Variants in MAN2A1 observed in about 807,000 individuals in gnomAD.
MAN2A1 encodes the protein alpha-mannosidase 2.
Under a neutral mutation model 142.6 loss-of-function variants are expected in MAN2A1, and 76 were observed. That is an observed-to-expected ratio of 0.53 (90% CI 0.44 to 0.65). The LOEUF (loss-of-function observed/expected upper bound fraction) is 0.65. Ranked by LOEUF, MAN2A1 falls within the 30% of genes least tolerant of loss-of-function variation. MAN2A1 has a pLI of 0.00. For missense variants in MAN2A1, 1,311 were observed against 1,365.1 expected, an observed-to-expected ratio of 0.96 and a Z score of 0.62; for synonymous variants, 559 against 473.2, an observed-to-expected ratio of 1.18 and a Z score of -2.35.
At chr5:109,710,411 A>T (rs1751265564) in intron 1 of MAN2A1, among the ~76,000 whole-genome samples, 1 of 152,190 alleles carries the variant, frequency 6.6e-6, no homozygotes, top group South Asian at 2.1e-4. Context: ...CTCTAAAATG[A>T]TCTTTTCCTC....
intron 17 of MAN2A1, among the ~76,000 whole-genome samples, chr5:109,844,857 G>C (rs1291700918): frequency 6.6e-6 from 1 of 152,148 alleles, no homozygotes; most frequent in Non-Finnish European, 1.5e-5. Flanking sequence ...ACATAATCCA[G>C]AATGACCTCA....
rs1169131389 is a variant in MAN2A1, at chr5:109,763,540, T to C, written c.836-3995T>C. Among the ~76,000 whole-genome samples, 3 of 151,874 alleles carry C rather than the reference T, an allele frequency of 2.0e-5. No individual in the cohort carries two copies. In the East Asian group the frequency reaches 5.8e-4, roughly 29 times the overall value. On this transcript the variant is annotated intron_variant, in intron 5 of 21. Coordinates refer to ENST00000261483, the MANE Select transcript of MAN2A1 (RefSeq NM_002372.4). ...TTTATTTTAGTATTATTATTATACT[T>C]TAAGTTTTAGGGTACATGTGCACAA...
intron 12 of MAN2A1, among the ~76,000 whole-genome samples, chr5:109,812,911 A>G (rs1475559474): frequency 1.3e-5 from 2 of 152,212 alleles, no homozygotes; most frequent in Middle Eastern, 3.2e-3. Flanking sequence ...CTAGGTACCT[A>G]TAGTAAGCAC....
At chr5:109,711,743 C>T (rs568431108) in intron 1 of MAN2A1, among the ~76,000 whole-genome samples, 3 of 152,312 alleles carry the variant, frequency 2.0e-5, no homozygotes, top group Non-Finnish European at 4.4e-5. Flanking sequence ...TTGCCTTTCA[C>T]TGGTGCAGTG....
chr5:109,700,206 C>A (rs1750936808), intron 1 of MAN2A1, among the ~76,000 whole-genome samples: 1 of 151,108 alleles, frequency 6.6e-6, no homozygotes, highest in Non-Finnish European at 1.5e-5. Flanking sequence ...TTTAAAAAAT[C>A]ATTTTACAAC....
At chr5:109,796,735 A>C (rs567846618) in intron 12 of MAN2A1, among the ~76,000 whole-genome samples, 92 of 152,316 alleles carry the variant, frequency 6.0e-4, no homozygotes, top group African/African-American at 2.0e-3. Flanking sequence ...AAGACTGAAT[A>C]CCAATCAGGC....
intron 17 of MAN2A1, among the ~76,000 whole-genome samples, chr5:109,845,027 A>G (rs370825934): frequency 6.6e-6 from 1 of 152,244 alleles, no homozygotes; most frequent in East Asian, 1.9e-4. Context: ...CATTTGTGAA[A>G]TACTCCGGAC....
intron 1 of MAN2A1, among the ~76,000 whole-genome samples, chr5:109,706,076 T>G (rs2112551600): frequency 6.6e-6 from 1 of 152,372 alleles, no homozygotes; most frequent in South Asian, 2.1e-4. Context: ...CTAAACATTA[T>G]TCTGCTTACT....
chr5:109,737,214 T>A (rs1752128234), intron 4 of MAN2A1, among the ~76,000 whole-genome samples: 1 of 151,256 alleles, frequency 6.6e-6, no homozygotes, highest in Non-Finnish European at 1.5e-5. Flanking sequence ...TCCTTCAGTC[T>A]CCTGAGTAGC....
chr5:109,833,107 C>A (rs553697560), intron 16 of MAN2A1, among the ~76,000 whole-genome samples: 8 of 145,722 alleles, frequency 5.5e-5, no homozygotes, highest in African/African-American at 2.1e-4. Flanking sequence ...ATATCTCAGA[C>A]GATGGGTGGC....
At chr5:109,727,153 AG>A (rs936147398) in intron 3 of MAN2A1, among the ~76,000 whole-genome samples, 55 of 152,288 alleles carry the variant, frequency 3.6e-4, no homozygotes, top group African/African-American at 1.2e-3. Flanking sequence ...GATTTGTTCT[AG>A]GGCTGAATAA....
At chr5:109,696,506 C>T (rs1750816545) in intron 1 of MAN2A1, among the ~76,000 whole-genome samples, 1 of 152,358 alleles carries the variant, frequency 6.6e-6, no homozygotes, top group South Asian at 2.1e-4. Flanking sequence ...CATTTGCTGC[C>T]TCTATCCAGG....
At chr5:109,691,402 T>G (rs1438264028) in intron 1 of MAN2A1, among the ~76,000 whole-genome samples, 1 of 152,176 alleles carries the variant, frequency 6.6e-6, no homozygotes, top group African/African-American at 2.4e-5. Context: ...GAAATTGCGG[T>G]GAAACTGGGT....
At chr5:109,779,546 G>T (rs377431027) in intron 8 of MAN2A1, among the ~76,000 whole-genome samples, 1 of 133,610 alleles carries the variant, frequency 7.5e-6, no homozygotes, top group South Asian at 2.4e-4. Flanking sequence ...TTCTTTTATG[G>T]TTACACACAC....
chr5:109,711,699 A>G (rs552514643), intron 1 of MAN2A1, among the ~76,000 whole-genome samples: 1 of 152,216 alleles, frequency 6.6e-6, no homozygotes, highest in Non-Finnish European at 1.5e-5. Flanking sequence ...TTGCTTTGCC[A>G]TTTCCAGTTG....
chr5:109,729,216 T>C, intron 3 of MAN2A1, 126 bp from the exon 4 acceptor site: 1 of 553,936 alleles, frequency 1.8e-6, no homozygotes, highest in Non-Finnish European at 3.0e-6. Context: ...AAAACACCTG[T>C]TAAATTTAAA....
chr5:109,793,246 A>G (rs181269332), intron 12 of MAN2A1, among the ~76,000 whole-genome samples: 8 of 152,248 alleles, frequency 5.3e-5, no homozygotes. Context: ...TACCTAGATC[A>G]GGCCAAAATG....
chr5:109,826,458 G>A (rs2112735108), intron 16 of MAN2A1, among the ~76,000 whole-genome samples: 1 of 152,030 alleles, frequency 6.6e-6, no homozygotes, highest in South Asian at 2.1e-4. Flanking sequence ...GCAGTTGGTA[G>A]GAAATAGAGA....
chr5:109,753,056 T>C (rs1446749835), intron 4 of MAN2A1, among the ~76,000 whole-genome samples: 1 of 152,206 alleles, frequency 6.6e-6, no homozygotes, highest in African/African-American at 2.4e-5. Flanking sequence ...GCAGTTTTTT[T>C]CTCTATTCAA....
Sources: gnomAD v4.1 joint callset for allele counts (sites outside exome capture counted in the v4.1 genomes callset) on GRCh38, gnomAD v4.1.1 for gene constraint, MANE v1.5 for transcripts, NCBI Gene and HGNC (gene_info 2026-07-23, HGNC 2026-07-21) for gene names.